PRIM2: variants seen among roughly 807,000 people sequenced by gnomAD.
PRIM2 encodes DNA primase large subunit.
A neutral mutation model predicts 67.3 loss-of-function variants in PRIM2; 39 were observed. The observed-to-expected ratio is 0.58, with a 90% CI of 0.45 to 0.76. The LOEUF is 0.76. PRIM2 is among the 30% of genes least tolerant of loss of function. PRIM2 has a pLI of 0.00. For synonymous variants in PRIM2, 143 were observed against 198.7 expected, an observed-to-expected ratio of 0.72 and a Z score of 2.36; for missense variants, 398 against 598.7, an observed-to-expected ratio of 0.66 and a Z score of 3.50.
intron 12 of PRIM2, among the ~76,000 whole-genome samples, chr6:57,607,903 A>G (rs1776591107): frequency 6.6e-6 from 1 of 152,146 alleles, no homozygotes; most frequent in African/African-American, 2.4e-5. Flanking sequence ...GTAGAAAGCC[A>G]TTCTCTTTTT....
At chr6:57,595,342 T>C (rs1249132777) in intron 10 of PRIM2, among the ~76,000 whole-genome samples, 1 of 152,204 alleles carries the variant, frequency 6.6e-6, no homozygotes, top group African/African-American at 2.4e-5. Context: ...AATTTTCTCC[T>C]ACTGTACTCT....
At chr6:57,407,826 T>C (rs1170812967) in intron 7 of PRIM2, among the ~76,000 whole-genome samples, 2 of 152,240 alleles carry the variant, frequency 1.3e-5, no homozygotes, top group African/African-American at 4.8e-5. Flanking sequence ...GGCAGGTTTC[T>C]AATTTTTTAA....
At chr6:57,245,530 C>T in the PRIM2 span, among the ~76,000 whole-genome samples, 9 of 152,214 alleles carry the variant, frequency 5.9e-5, no homozygotes, top group African/African-American at 2.2e-4. Flanking sequence ...ACCTTTCATC[C>T]ACTTAGGCCT....
rs554885772 is a variant in PRIM2, at chr6:57,344,285, T to C, written c.459+18240T>C. 1.3e-4 allele frequency among the ~76,000 whole-genome samples: 20 copies of C among 152,162 alleles called. No individual in the cohort carries two copies. In the East Asian group the frequency reaches 2.9e-3, roughly 22 times the overall value. On this transcript the variant is annotated intron_variant, in intron 5 of 13. Transcript: ENST00000615550. ...ATTCAAAAGATTTATCTCAATTCTG[T>C]TTCATAAACACTAGACATCTTTAAG...
chr6:57,375,984 A>G (rs1769749588), intron 5 of PRIM2, among the ~76,000 whole-genome samples: 1 of 152,004 alleles, frequency 6.6e-6, no homozygotes, highest in South Asian at 2.1e-4. Flanking sequence ...AGGGAGTAGG[A>G]TCCCTTGAGC....
chr6:57,618,474 C>T (rs1442177401), intron 12 of PRIM2, among the ~76,000 whole-genome samples: 23 of 152,296 alleles, frequency 1.5e-4, no homozygotes, highest in South Asian at 8.3e-4. Context: ...CTGAAGGAAG[C>T]GGACTGCTCC....
At chr6:57,505,147 C>G (rs1774225495) in intron 7 of PRIM2, 1 of 152,162 alleles carries the variant, frequency 6.6e-6, no homozygotes, top group Non-Finnish European at 1.5e-5. Flanking sequence ...TTTGGAATAG[C>G]TTTATTACTT....
At chr6:57,548,207 G>A (rs1375243247) in intron 10 of PRIM2, among the ~76,000 whole-genome samples, 5 of 152,218 alleles carry the variant, frequency 3.3e-5, no homozygotes, top group Non-Finnish European at 5.9e-5. Context: ...TCATGGGGCT[G>A]CATCTGTTGA....
At chr6:57,377,966 A>T (rs1213615713) in intron 5 of PRIM2, among the ~76,000 whole-genome samples, 1 of 152,024 alleles carries the variant, frequency 6.6e-6, no homozygotes, top group South Asian at 2.1e-4. Context: ...GTCATTTCTT[A>T]GATTCTACAA....
At chr6:57,317,803 CAGA>C (rs1374801714) in intron 1 of PRIM2, 102 bp downstream of exon 1, 1 of 152,976 alleles carries the variant, frequency 6.5e-6, no homozygotes, top group East Asian at 1.9e-4. Flanking sequence ...GCAGCAGTAG[CAGA>C]AGGACAGACT....
the PRIM2 span, among the ~76,000 whole-genome samples, chr6:57,303,050 TG>T: frequency 6.6e-6 from 1 of 152,216 alleles, no homozygotes; most frequent in Non-Finnish European, 1.5e-5. Flanking sequence ...ATGATTTTTA[TG>T]TCATTGTTAT....
At position 57,524,219 on chromosome 6, in the gene PRIM2, C is replaced by T. The variant is rs1774693222; in HGVS notation, c.762-8192C>T. On this transcript the variant is annotated intron_variant, in intron 8 of 13. Coordinates refer to ENST00000615550, the MANE Select transcript of PRIM2 (RefSeq NM_000947.5). The stretch of plus-strand genomic sequence containing the variant: ...AAGTCTTAACCTTTCTCTTTTCAGC[C>T]TATAAATTATTGAAATTCTGTTAGC... Among the ~76,000 whole-genome samples, 5 of 152,268 alleles carry T rather than the reference C, an allele frequency of 3.3e-5. No individual in the cohort carries two copies. The South Asian group carries it at 1.0e-3, about 32-fold the overall frequency.
chr6:57,626,908 G>A (rs1323289383), intron 12 of PRIM2, among the ~76,000 whole-genome samples: 5 of 152,076 alleles, frequency 3.3e-5, no homozygotes, highest in African/African-American at 9.6e-5. Context: ...TTACAGGTGT[G>A]AGCCACCACA....
rs1776360583 is a variant in PRIM2 at position 57,596,080 on chromosome 6, A to G, written c.1021-5013A>G. On this transcript the variant is annotated intron_variant, in intron 10 of 13. Coordinates refer to ENST00000615550, the MANE Select transcript of PRIM2 (RefSeq NM_000947.5). ...CAACTCTGTTAGAAACTGGGGCCACAGACCAAATATTAGAACAGAAGATGC... is the reference window on the plus strand; with the variant it reads ...CAACTCTGTTAGAAACTGGGGCCACGGACCAAATATTAGAACAGAAGATGC... Among the ~76,000 whole-genome samples, 3 of 152,306 alleles carry G rather than the reference A, an allele frequency of 2.0e-5. No homozygotes were observed. In the South Asian group the frequency reaches 6.2e-4, roughly 32 times the overall value.
chr6:57,380,325 A>G (rs1769915364), intron 6 of PRIM2, among the ~76,000 whole-genome samples: 1 of 152,100 alleles, frequency 6.6e-6, no homozygotes, highest in African/African-American at 2.4e-5. Context: ...ATTTGGCCCA[A>G]CACTCTGTTT....
chr6:57,539,612 TTGTGTGTGTGTGTGTGTGTG>T (rs1232932730), intron 10 of PRIM2, among the ~76,000 whole-genome samples: 4 of 129,274 alleles, frequency 3.1e-5, no homozygotes, highest in African/African-American at 8.9e-5. Flanking sequence ...ATTATATTCT[TTGTGTGTGTGTGTGTGTGTG>T]TGTGTGTGTG....
At chr6:57,440,014 C>T (rs1269867237) in intron 7 of PRIM2, among the ~76,000 whole-genome samples, 1 of 151,318 alleles carries the variant, frequency 6.6e-6, no homozygotes, top group South Asian at 2.1e-4. Flanking sequence ...TTTCTGTTGA[C>T]TAGAGTAATA....
intron 7 of PRIM2, among the ~76,000 whole-genome samples, chr6:57,386,226 AAACAAC>A (rs78426519): frequency 0.067 from 10,150 of 151,134 alleles, 450 homozygotes; most frequent in East Asian, 0.18. Context: ...TCTCTACTAA[AAACAAC>A]AACAACAACA....
chr6:57,457,302 C>T (rs1355455891), intron 7 of PRIM2, among the ~76,000 whole-genome samples: 1 of 152,244 alleles, frequency 6.6e-6, no homozygotes, highest in Non-Finnish European at 1.5e-5. Context: ...AGAACCACTA[C>T]TCTCTTCAAA....
Sources: allele counts gnomAD v4.1 joint callset (sites outside exome capture counted in the v4.1 genomes callset), GRCh38; gene constraint gnomAD v4.1.1; transcripts MANE v1.5; gene names NCBI Gene and HGNC (gene_info 2026-07-23, HGNC 2026-07-21).